Variants in ATP5PB observed in about 807,000 individuals in gnomAD.
ATP5PB encodes the protein ATP synthase peripheral stalk subunit b, mitochondrial.
In ATP5PB, 21 loss-of-function variants were observed where a neutral mutation model predicts 34.5. The ratio of observed to expected loss-of-function variants is 0.61; its 90% CI spans 0.43 to 0.88. ATP5PB has a LOEUF of 0.88. Among genes scored for constraint, ATP5PB ranks in the 40% least tolerant of loss-of-function variants. The pLI, the probability that ATP5PB is intolerant of heterozygous loss-of-function variation, is 0.00. For synonymous variants in ATP5PB, 108 were observed against 114.1 expected (o/e 0.95, Z 0.34); for missense variants, 293 against 317.4 (o/e 0.92, Z 0.58).
intron 1 of ATP5PB, 65 bp downstream of exon 1, chr1:111,449,646 CAG>C: frequency 6.4e-7 from 1 of 1,561,274 alleles, no homozygotes; most frequent in Non-Finnish European, 8.7e-7. Context: ...CTAGGGGTGA[CAG>C]GGAGGGGAGA....
chr1:111,459,681 T>C (rs1653565564), intron 6 of ATP5PB, 45 bp downstream of exon 6: 1 of 1,575,442 alleles, frequency 6.3e-7, no homozygotes, highest in East Asian at 2.3e-5. Context: ...TGGTATCTCT[T>C]AACAAGTATC....
intron 2 of ATP5PB, among the ~76,000 whole-genome samples, chr1:111,453,438 C>G (rs977082814): frequency 6.6e-6 from 1 of 150,968 alleles, no homozygotes; most frequent in African/African-American, 2.4e-5. Flanking sequence ...CAGAGAAGTC[C>G]TTACGGGCAA....
At chr1:111,457,740 C>T (rs1193785642) in intron 5 of ATP5PB, among the ~76,000 whole-genome samples, 1 of 152,082 alleles carries the variant, frequency 6.6e-6, no homozygotes, top group Non-Finnish European at 1.5e-5. Context: ...CAGAACCTTT[C>T]TTAGGGGCTA....
chr1:111,455,428 G>A (rs989465663), intron 3 of ATP5PB, among the ~76,000 whole-genome samples: 6 of 152,160 alleles, frequency 3.9e-5, no homozygotes, highest in Admixed American at 3.9e-4. Context: ...ACTGTAAAAT[G>A]CTTTCCTAAA....
intron 2 of ATP5PB, among the ~76,000 whole-genome samples, chr1:111,452,183 A>G (rs1466349317): frequency 6.6e-6 from 1 of 152,092 alleles, no homozygotes; most frequent in Non-Finnish European, 1.5e-5. Flanking sequence ...TTCTGTAGGC[A>G]GGAGAGAGCC....
chr1:111,452,705 A>C (rs1174771978), intron 2 of ATP5PB, among the ~76,000 whole-genome samples: 1 of 152,240 alleles, frequency 6.6e-6, no homozygotes, highest in Non-Finnish European at 1.5e-5. Flanking sequence ...GCTATGATTT[A>C]AATCAGTGCT....
intron 3 of ATP5PB, 51 bp from the exon 4 acceptor site, chr1:111,456,035 C>T (rs777093921): frequency 2.1e-6 from 3 of 1,405,666 alleles, no homozygotes; most frequent in Non-Finnish European, 1.9e-6. Context: ...TCTATCTTCC[C>T]TCTTTTAGGC....
At chr1:111,456,552 T>C in intron 4 of ATP5PB, 78 bp from the exon 5 acceptor site, 4 of 1,529,028 alleles carry the variant, frequency 2.6e-6, no homozygotes, top group Non-Finnish European at 3.5e-6. Flanking sequence ...TATACAACTT[T>C]GAAGAAGCAT....
rs1653614536 is a variant in ATP5PB at position 111,461,257 on chromosome 1, T to C, written c.*263T>C. ...CCTTTATAAAAACTTGCTGCCTGAC[T>C]AAAGATTAACAGGTTATAGTTTAAA... On this transcript the variant is annotated 3_prime_UTR_variant, in exon 7 of 7. Coordinates refer to ENST00000369722, the MANE Select transcript of ATP5PB (RefSeq NM_001688.5). 1 of 287,012 alleles carries C rather than the reference T, an allele frequency of 3.5e-6. No homozygotes were observed. Among genetic ancestry groups the C allele is most frequent in the South Asian group, 6.1e-5 (1 of 16,500 alleles). 17.8% of individuals were successfully genotyped at this position (287,012 alleles called of 1,614,324 possible). A position where few individuals can be genotyped will look rare whatever the true frequency, so the allele number is the denominator to read the frequency against.
intron 3 of ATP5PB, among the ~76,000 whole-genome samples, chr1:111,455,123 G>A (rs1246818322): frequency 6.6e-6 from 1 of 151,970 alleles, no homozygotes; most frequent in African/African-American, 2.4e-5. Flanking sequence ...CCCAAGTATT[G>A]CTATGACTGG....
intron 3 of ATP5PB, among the ~76,000 whole-genome samples, chr1:111,455,694 G>T (rs1653451999): frequency 6.6e-6 from 1 of 152,158 alleles, no homozygotes; most frequent in African/African-American, 2.4e-5. Flanking sequence ...TCGATAAATA[G>T]TATATTTTGC....
At chr1:111,453,161 C>T (rs1373589513) in intron 2 of ATP5PB, among the ~76,000 whole-genome samples, 1 of 152,052 alleles carries the variant, frequency 6.6e-6, no homozygotes, top group Non-Finnish European at 1.5e-5. Flanking sequence ...TAAATGACAG[C>T]AGATATAAAG....
chr1:111,457,351 T>C (rs1227774815), intron 5 of ATP5PB, among the ~76,000 whole-genome samples: 7 of 144,930 alleles, frequency 4.8e-5, no homozygotes, highest in African/African-American at 2.0e-4. Context: ...AAACAACAAA[T>C]TCAGATAGCA....
chr1:111,452,334 G>T (rs11102277), intron 2 of ATP5PB, among the ~76,000 whole-genome samples: 1 of 152,084 alleles, frequency 6.6e-6, no homozygotes. Context: ...TTGGGAGGCC[G>T]AGACGGCAGA....
At position 111,450,857 on chromosome 1, in the gene ATP5PB, A is replaced by C. The variant is rs530601229; in HGVS notation, c.77+984A>C. Among the ~76,000 whole-genome samples the C allele has an allele frequency of 3.3e-5, 5 of 152,328 alleles. No individual in the cohort carries two copies. In the South Asian group the frequency reaches 8.3e-4, roughly 25 times the overall value. On this transcript the variant is annotated intron_variant, in intron 2 of 6. Transcript: ENST00000369722. ...ACCCCATACAGACTGGTAAACAAAT[A>C]ATTGTAATACCAGGTAGTAAATAAC...
chr1:111,456,112 A>G lies in ATP5PB; in HGVS notation c.250A>G (p.Ile84Val), dbSNP rs151112830. 3.7e-3 allele frequency: 5,874 copies of G among 1,608,754 alleles called. 9 individuals are homozygous for G. The highest frequency in any genetic ancestry group is 4.4e-3 in the Non-Finnish European group (5,168 of 1,177,902). ...TGPYVLGTGLILYALSKEIYV... is the reference protein window; with the variant it reads ...TGPYVLGTGLVLYALSKEIYV... ...ACCCTATGTACTCGGAACTGGGCTT[A>G]TCTTGTACGCTTTATCCAAAGAAAT... Residue 84 changes from isoleucine to valine, a missense_variant, in exon 4 of 7, where the codon ATC becomes GTC. Physicochemically the swap from Ile to Val is conservative, Grantham distance 29. Transcript: ENST00000369722.
At chr1:111,459,686 A>G (rs368837942) in intron 6 of ATP5PB, 50 bp downstream of exon 6, 8 of 1,563,352 alleles carry the variant, frequency 5.1e-6, no homozygotes, top group Non-Finnish European at 6.1e-6. Flanking sequence ...TCTCTTAACA[A>G]GTATCTGCTG....
Position 111,461,002 on chromosome 1 carries a change from T to C in ATP5PB, c.*8T>C, listed in dbSNP as rs200707226. 88 of 1,610,652 alleles carry C rather than the reference T, an allele frequency of 5.5e-5. No homozygotes were observed. The highest frequency in any genetic ancestry group is 7.0e-5 in the Non-Finnish European group (83 of 1,178,726). On this transcript the variant is annotated 3_prime_UTR_variant, in exon 7 of 7. Coordinates refer to ENST00000369722, the MANE Select transcript of ATP5PB (RefSeq NM_001688.5). ...GCACAGCCAGTTATGTAAATGTATCTATCCCAATTGAGACAGCTAGAAACA... is the reference window on the plus strand; with the variant it reads ...GCACAGCCAGTTATGTAAATGTATCCATCCCAATTGAGACAGCTAGAAACA...
In ATP5PB at chr1:111,459,441, CT is replaced by C. The variant is rs1239070145; in HGVS notation, c.514-14del. Reference sequence around the variant, plus strand: ...AGTATACAAACAATATTTATCATTTCTTAATTTTGCCCCAGAATAACATTGC... The same window carrying C: ...AGTATACAAACAATATTTATCATTTCTAATTTTGCCCCAGAATAACATTGC... On this transcript the variant is annotated splice_polypyrimidine_tract_variant and intron_variant, in intron 5 of 6. Transcript: ENST00000369722. The C allele has an allele frequency of 6.3e-7, 1 of 1,590,780 alleles. No homozygotes were observed. Among genetic ancestry groups the C allele is most frequent in the South Asian group, 1.1e-5 (1 of 88,148 alleles).
Sources: allele counts gnomAD v4.1 joint callset (sites outside exome capture counted in the v4.1 genomes callset), GRCh38; gene constraint gnomAD v4.1.1; transcripts MANE v1.5; gene names NCBI Gene and HGNC (gene_info 2026-07-23, HGNC 2026-07-21).